The following PCDHGA5 variants were observed in gnomAD, a reference collection of about 807,000 sequenced individuals.
The protein encoded by PCDHGA5 is protocadherin gamma-A5.
PCDHGA5 carries 36 observed loss-of-function variants against 56.7 expected under a neutral mutation model. The ratio of observed to expected loss-of-function variants is 0.64; its 90% confidence interval spans 0.49 to 0.84. The LOEUF is 0.84. Among genes scored for constraint, PCDHGA5 ranks in the 40% least tolerant of loss-of-function variants. PCDHGA5 has a pLI of 0.00. For missense variants in PCDHGA5, 1,305 were observed against 1,201.5 expected (o/e 1.09, Z -1.27); for synonymous variants, 563 against 520.2 (o/e 1.08, Z -1.12).
In PCDHGA5 at chr5:141,432,916, G is replaced by C; in HGVS notation, c.2422-61891G>C. ...TGCTGGCGCTCAGGCTGCGGCGCTG[G>C]CACAAGTCACGCCTGCTGCAGGCTT... On this transcript the variant is annotated intron_variant, in intron 1 of 3. Coordinates refer to ENST00000518069, the MANE Select transcript of PCDHGA5 (RefSeq NM_018918.3). The surrounding 1 kb of genome is among the most constrained non-coding windows in gnomAD (Gnocchi z 6.0). 1 of 1,614,196 alleles carries C rather than the reference G, an allele frequency of 6.2e-7. No homozygotes were observed. The highest frequency in any genetic ancestry group is 8.5e-7 in the Non-Finnish European group (1 of 1,180,040).
chr5:141,430,826 C>T (rs993762069), intron 1 of PCDHGA5: 1 of 1,550,298 alleles, frequency 6.5e-7, no homozygotes, highest in Non-Finnish European at 8.7e-7. Context: ...CCTGGGGACT[C>T]TGTGGGAGAC....
intron 1 of PCDHGA5, chr5:141,415,652 A>AG: frequency 6.3e-7 from 1 of 1,590,778 alleles, no homozygotes; most frequent in African/African-American, 1.4e-5. Flanking sequence ...AAAAAAAAAA[A>AG]GATTGGTTTT....
chr5:141,374,291 G>C, intron 1 of PCDHGA5: 1 of 1,613,976 alleles, frequency 6.2e-7, no homozygotes. Context: ...CGTCTCCAGA[G>C]GTAGGATGCA....
chr5:141,366,652 C>G lies in PCDHGA5; in HGVS notation c.2322C>G (p.Asn774Lys), dbSNP rs559344872. The G allele has an allele frequency of 1.9e-6, 3 of 1,614,282 alleles. No individual in the cohort carries two copies. In the African/African-American group the frequency reaches 4.0e-5, roughly 22 times the overall value. ...GTCACCTGATCTTTCCCCAGCCCAA[C>G]TACGCAGACACGCTCCTTAGTGAAG... ...RKSHLIFPQP[N>K]YADTLLSEES... is the part of the protein sequence containing the mutation. The change falls in exon 1 of 4, where the codon AAC becomes AAG. Residue 774 changes from asparagine (N) to lysine (K), a missense_variant. By Grantham distance (94) the Asn-to-Lys change is moderately conservative. Transcript: ENST00000518069.
chr5:141,484,512 G>A (rs1178383152), intron 1 of PCDHGA5, among the ~76,000 whole-genome samples: 47 of 152,196 alleles, frequency 3.1e-4, no homozygotes, highest in Non-Finnish European at 4.0e-4. Context: ...TTCTGCAGAA[G>A]GGCAGAGTTT....
intron 1 of PCDHGA5, among the ~76,000 whole-genome samples, chr5:141,480,274 G>A (rs111260319): frequency 6.6e-6 from 1 of 152,036 alleles, no homozygotes; most frequent in Non-Finnish European, 1.5e-5. Context: ...CATTAGCTGG[G>A]TGTGTTGGCA....
At chr5:141,472,000 C>T (rs935165645) in intron 1 of PCDHGA5, among the ~76,000 whole-genome samples, 3 of 151,852 alleles carry the variant, frequency 2.0e-5, no homozygotes, top group African/African-American at 4.8e-5. Flanking sequence ...ATCCCTGCAT[C>T]GTATAGGGGC....
chr5:141,490,062 C>A lies in PCDHGA5; in HGVS notation c.2422-4745C>A, dbSNP rs758715682. 6.2e-7 allele frequency: 1 copy of A among 1,614,218 alleles called. No homozygotes were observed. The highest frequency in any genetic ancestry group is 1.1e-5 in the South Asian group (1 of 91,082). ...CCACTGATCCAGACGAGGGCACCAA[C>A]GGCCAACTAGACTATTCTTTTGGAG... On this transcript the variant is annotated intron_variant, in intron 1 of 3. Coordinates refer to ENST00000518069, the MANE Select transcript of PCDHGA5 (RefSeq NM_018918.3). The surrounding 1 kb of genome is among the most constrained non-coding windows in gnomAD (Gnocchi z 5.4).
chr5:141,415,654 A>G, intron 1 of PCDHGA5: 1 of 1,573,242 alleles, frequency 6.4e-7, no homozygotes. Flanking sequence ...AAAAAAAAAG[A>G]TTGGTTTTTA....
intron 1 of PCDHGA5, among the ~76,000 whole-genome samples, chr5:141,459,184 G>GC (rs2098963022): frequency 6.6e-6 from 1 of 152,134 alleles, no homozygotes; most frequent in South Asian, 2.1e-4. Flanking sequence ...GTTCCCTCAT[G>GC]CCCCTTTGCA....
intron 2 of PCDHGA5, among the ~76,000 whole-genome samples, chr5:141,495,452 C>G (rs543717781): frequency 1.3e-5 from 2 of 152,356 alleles, no homozygotes; most frequent in South Asian, 2.1e-4. Context: ...TTGTCCTGCT[C>G]TCTGTCTGTG....
intron 2 of PCDHGA5, among the ~76,000 whole-genome samples, chr5:141,503,685 G>A (rs1171934407): frequency 2.6e-5 from 4 of 151,882 alleles, no homozygotes; most frequent in African/African-American, 9.7e-5. Context: ...TTGGGAAGGA[G>A]AATTGAGATT....
intron 1 of PCDHGA5, chr5:141,410,091 G>A: frequency 8.7e-6 from 14 of 1,612,518 alleles, no homozygotes; most frequent in African/African-American, 1.3e-5. Flanking sequence ...CGCACGGCTC[G>A]AGCCTTAGGC....
chr5:141,424,690 TA>T (rs796070231), intron 1 of PCDHGA5: 89 of 152,358 alleles, frequency 5.8e-4, no homozygotes, highest in African/African-American at 1.9e-3. Context: ...TCCTTCTGGC[TA>T]TTTTTTTGTT....
chr5:141,398,747 A>G (rs1046077050), intron 1 of PCDHGA5: 5 of 1,613,378 alleles, frequency 3.1e-6, no homozygotes, highest in Non-Finnish European at 4.2e-6. Flanking sequence ...CAACAGAGTT[A>G]CCATCGTTTA....
At chr5:141,380,024 C>T (rs1326280237) in intron 1 of PCDHGA5, among the ~76,000 whole-genome samples, 1 of 150,698 alleles carries the variant, frequency 6.6e-6, no homozygotes, top group Non-Finnish European at 1.5e-5. Flanking sequence ...CTCAGCCTCC[C>T]AAGTAGCTGG....
intron 1 of PCDHGA5, among the ~76,000 whole-genome samples, chr5:141,483,832 G>A (rs994540286): frequency 2.0e-5 from 3 of 152,134 alleles, no homozygotes; most frequent in African/African-American, 7.2e-5. Context: ...ACCTAGGTAA[G>A]GACTTGGTTG....
intron 1 of PCDHGA5, chr5:141,426,408 G>A (rs2096933631): frequency 1.2e-5 from 3 of 258,388 alleles, no homozygotes; most frequent in South Asian, 4.8e-5. Flanking sequence ...CAGAAGAAAC[G>A]GTCCAGGGCT....
chr5:141,415,880 A>G, intron 1 of PCDHGA5: 1 of 1,003,078 alleles, frequency 1.0e-6, no homozygotes. Flanking sequence ...TGAGTACAAT[A>G]TTGACAATTC....
Sources: allele counts gnomAD v4.1 joint callset (sites outside exome capture counted in the v4.1 genomes callset), GRCh38; gene constraint gnomAD v4.1.1; non-coding constraint Gnocchi (gnomAD v3.1); transcripts MANE v1.5; gene names NCBI Gene and HGNC (gene_info 2026-07-23, HGNC 2026-07-21).